The following FRMD6 variants were observed in gnomAD, a reference collection of about 807,000 sequenced individuals.
FRMD6 encodes the protein FERM domain-containing protein 6.
Under a neutral mutation model 73.2 loss-of-function variants are expected in FRMD6, and 37 were observed. The observed-to-expected ratio is 0.51, with a 90% confidence interval of 0.39 to 0.66. The LOEUF is 0.66. FRMD6 is among the 30% of genes least tolerant of loss of function. The pLI is 0.00. For missense variants in FRMD6, 714 were observed against 780.5 expected, an observed-to-expected ratio of 0.91 and a Z score of 1.02; for synonymous variants, 273 against 282.2, an observed-to-expected ratio of 0.97 and a Z score of 0.33.
chr14:51,487,035 C>T (rs1882776753), upstream of FRMD6, among the ~76,000 whole-genome samples: 1 of 151,642 alleles, frequency 6.6e-6, no homozygotes, highest in Non-Finnish European at 1.5e-5. Context: ...AATGCTTAGG[C>T]CTCACCCCAG....
chr14:51,720,635 C>T (rs1249159446), intron 11 of FRMD6: 1 of 509,996 alleles, frequency 2.0e-6, no homozygotes, highest in Non-Finnish European at 3.5e-6. Context: ...TTAGCTGTTT[C>T]TATGAAGTAG....
chr14:51,727,133 C>T (rs1594794082), intron 13 of FRMD6, among the ~76,000 whole-genome samples: 2 of 152,264 alleles, frequency 1.3e-5, no homozygotes, highest in African/African-American at 2.4e-5. Context: ...GCCTCTTCAA[C>T]ACCAAGAACA....
At position 51,689,878 on chromosome 14, in the gene FRMD6, C is replaced by G; in HGVS notation, c.42C>G (p.Asp14Glu). Residue 14 changes from aspartate (D) to glutamate (E), a missense_variant, in exon 2 of 14, where the codon GAC becomes GAG. Asp to Glu is a conservative substitution (Grantham distance 45, BLOSUM62 2). Coordinates refer to ENST00000344768, the MANE Select transcript of FRMD6 (RefSeq NM_001267046.2). ...LNFHNNRVMQ[D>E]RRSVCIFLPN... is the part of the protein sequence containing the mutation. ...TTCATAACAACAGAGTCATGCAAGACCGCCGCAGTGTGTGCATTTTCCTTC... is the reference window on the plus strand; with the variant it reads ...TTCATAACAACAGAGTCATGCAAGAGCGCCGCAGTGTGTGCATTTTCCTTC... 1 of 1,613,462 alleles carries G rather than the reference C, an allele frequency of 6.2e-7. No individual in the cohort carries two copies. Among genetic ancestry groups the G allele is most frequent in the Non-Finnish European group, 8.5e-7 (1 of 1,179,614 alleles).
At chr14:51,686,558 T>C (rs1895163101) in intron 1 of FRMD6, among the ~76,000 whole-genome samples, 1 of 152,086 alleles carries the variant, frequency 6.6e-6, no homozygotes, top group African/African-American at 2.4e-5. Flanking sequence ...TTTTTGTAAG[T>C]TGGATATTAA....
intron 2 of FRMD6, among the ~76,000 whole-genome samples, chr14:51,610,802 A>G (rs1378880917): frequency 1.3e-5 from 2 of 152,202 alleles, no homozygotes. Flanking sequence ...GGACTTGGAG[A>G]ACAAAGCCTT....
chr14:51,656,993 AG>A (rs1260313721), intron 1 of FRMD6, among the ~76,000 whole-genome samples: 1 of 152,244 alleles, frequency 6.6e-6, no homozygotes, highest in Non-Finnish European at 1.5e-5. Context: ...ATGAAGACAG[AG>A]GGAAAAACAA....
chr14:51,524,134 G>T (rs1276546977), intron 1 of FRMD6, among the ~76,000 whole-genome samples: 3 of 152,080 alleles, frequency 2.0e-5, no homozygotes, highest in African/African-American at 7.2e-5. Context: ...CATGTGATTT[G>T]CAGTTAAGAA....
chr14:51,459,751 C>T, the FRMD6 span, among the ~76,000 whole-genome samples: 1 of 131,960 alleles, frequency 7.6e-6, no homozygotes, highest in Non-Finnish European at 1.5e-5. Context: ...GGTGTGAACC[C>T]GGGAGGCGGA....
intron 1 of FRMD6, among the ~76,000 whole-genome samples, chr14:51,489,733 G>T (rs1443982489): frequency 6.6e-6 from 1 of 152,194 alleles, no homozygotes; most frequent in Non-Finnish European, 1.5e-5. Flanking sequence ...TGCTTACAGT[G>T]TGTGTGTTTA....
chr14:51,400,807 A>G, the FRMD6 span, among the ~76,000 whole-genome samples: 6 of 152,236 alleles, frequency 3.9e-5, no homozygotes, highest in Non-Finnish European at 8.8e-5. Flanking sequence ...TTATGTAAAG[A>G]ATGGAGAGTT....
chr14:51,400,473 T>G, the FRMD6 span, among the ~76,000 whole-genome samples: 1 of 152,214 alleles, frequency 6.6e-6, no homozygotes, highest in Admixed American at 6.5e-5. Flanking sequence ...TCCCCTAATA[T>G]TTTACTCTTG....
chr14:51,663,549 T>G (rs144216954), intron 1 of FRMD6, among the ~76,000 whole-genome samples: 33 of 152,212 alleles, frequency 2.2e-4, no homozygotes, highest in African/African-American at 7.7e-4. Context: ...ATGTGGGAGC[T>G]TAATGATGAG....
intron 1 of FRMD6, among the ~76,000 whole-genome samples, chr14:51,688,203 C>T (rs759916751): frequency 1.4e-4 from 21 of 151,840 alleles, no homozygotes; most frequent in African/African-American, 3.9e-4. Flanking sequence ...CTAGTGAGAA[C>T]GATAGCACAG....
At chr14:51,684,706 C>T (rs1895032704) in intron 1 of FRMD6, among the ~76,000 whole-genome samples, 2 of 152,054 alleles carry the variant, frequency 1.3e-5, no homozygotes, top group South Asian at 4.2e-4. Context: ...GAACATCCTA[C>T]AATGTGCAGG....
In FRMD6 at chr14:51,727,792, C is replaced by T; in HGVS notation, c.1632C>T (p.Ser544=). The change falls in exon 14 of 14, where the codon AGC becomes AGT. Residue 544 remains serine, a synonymous_variant. Transcript: ENST00000344768. ...PKTSTDRHSL[S]LDDIRLYQKD... ...CCTCCACTGATCGACACAGCTTGAG[C>T]CTCGATGACATCAGACTTTACCAGA... is the stretch of plus-strand genomic sequence containing the variant. 6.2e-7 allele frequency: 1 copy of T among 1,613,082 alleles called. No homozygotes were observed. Among genetic ancestry groups the T allele is most frequent in the Non-Finnish European group, 8.5e-7 (1 of 1,179,096 alleles).
intron 13 of FRMD6, among the ~76,000 whole-genome samples, chr14:51,726,695 C>T (rs534463319): frequency 2.2e-3 from 336 of 152,274 alleles, no homozygotes; most frequent in African/African-American, 7.7e-3. Context: ...AGATTCCACA[C>T]CTACACTATG....
chr14:51,688,180 T>C (rs1249169782), intron 1 of FRMD6, among the ~76,000 whole-genome samples: 1 of 151,958 alleles, frequency 6.6e-6, no homozygotes, highest in South Asian at 2.1e-4. Context: ...AACACATGGG[T>C]TAACCATCCA....
chr14:51,657,745 GA>G (rs908253007), intron 1 of FRMD6, among the ~76,000 whole-genome samples: 2 of 151,864 alleles, frequency 1.3e-5, no homozygotes, highest in African/African-American at 4.8e-5. Flanking sequence ...GATGTGAGAG[GA>G]AAAAAAGCAA....
upstream of FRMD6, among the ~76,000 whole-genome samples, chr14:51,647,111 T>C (rs973460370): frequency 2.0e-5 from 3 of 152,228 alleles, no homozygotes; most frequent in African/African-American, 7.2e-5. Flanking sequence ...GTAAACCATA[T>C]TAAAATGAAA....
Sources: gnomAD v4.1 joint callset for allele counts (sites outside exome capture counted in the v4.1 genomes callset) on GRCh38, gnomAD v4.1.1 for gene constraint, MANE v1.5 for transcripts, NCBI Gene and HGNC (gene_info 2026-07-23, HGNC 2026-07-21) for gene names.